KAZN: variants seen among roughly 807,000 people sequenced by gnomAD.
The protein encoded by KAZN is kazrin, periplakin interacting protein.
KAZN carries 40 observed loss-of-function variants against 87.4 expected under a neutral mutation model. The observed-to-expected ratio is 0.46, with a 90% CI of 0.36 to 0.60. The LOEUF (loss-of-function observed/expected upper bound fraction) is 0.60. KAZN is among the 20% of genes least tolerant of loss of function. The pLI, the probability that KAZN is intolerant of heterozygous loss-of-function variation, is 0.00. For missense variants in KAZN, 898 were observed against 1,073.9 expected, an observed-to-expected ratio of 0.84 and a Z score of 2.29; for synonymous variants, 466 against 458.3, an observed-to-expected ratio of 1.02 and a Z score of -0.22.
intron 2 of KAZN, among the ~76,000 whole-genome samples, chr1:14,228,957 T>G (rs1473610216): frequency 6.6e-6 from 1 of 152,214 alleles, no homozygotes; most frequent in Non-Finnish European, 1.5e-5. Context: ...GTTATCCACA[T>G]GGCTCACACA....
intron 1 of KAZN, among the ~76,000 whole-genome samples, chr1:13,951,748 T>C (rs1035739806): frequency 2.0e-5 from 3 of 152,142 alleles, no homozygotes; most frequent in Non-Finnish European, 2.9e-5. Flanking sequence ...ATGATGATCA[T>C]GCTCTTTGTG....
intron 1 of KAZN, among the ~76,000 whole-genome samples, chr1:14,135,485 AG>A (rs1645088646): frequency 6.6e-6 from 1 of 152,252 alleles, no homozygotes; most frequent in East Asian, 1.9e-4. Flanking sequence ...TTATGAAAAC[AG>A]CTAAATTTAG....
chr1:14,882,507 G>C (rs1291564900), intron 1 of KAZN, among the ~76,000 whole-genome samples: 1 of 152,128 alleles, frequency 6.6e-6, no homozygotes, highest in Non-Finnish European at 1.5e-5. Context: ...CCCTGCTCGA[G>C]GTCAGGCATA....
chr1:13,949,867 G>A (rs1641281369), intron 1 of KAZN, among the ~76,000 whole-genome samples: 1 of 152,228 alleles, frequency 6.6e-6, no homozygotes, highest in Admixed American at 6.5e-5. Flanking sequence ...AAACACAGCC[G>A]AGACACCATC....
chr1:14,647,306 G>A (rs1214524325), intron 1 of KAZN, among the ~76,000 whole-genome samples: 1 of 152,078 alleles, frequency 6.6e-6, no homozygotes, highest in Admixed American at 6.6e-5. Flanking sequence ...CTTCCATCAC[G>A]CTAGACCACC....
rs574095810 is a variant in KAZN at position 14,168,074 on chromosome 1, G to A, written c.92-12361G>A. Among the ~76,000 whole-genome samples, 15 of 152,318 alleles carry A rather than the reference G, an allele frequency of 9.8e-5. No homozygotes were observed. The South Asian group carries it at 2.3e-3, about 23-fold the overall frequency. Reference sequence around the variant, plus strand: ...GTAAGGTTGACATGTCCTTGGCGCCGCTTCCTCTTCCTTGAGCCAAAGCCC... The same window carrying A: ...GTAAGGTTGACATGTCCTTGGCGCCACTTCCTCTTCCTTGAGCCAAAGCCC... On this transcript the variant is annotated intron_variant, in intron 1 of 16. Coordinates refer to the KAZN transcript ENST00000636203.
chr1:13,971,425 G>T (rs7543394), intron 1 of KAZN, among the ~76,000 whole-genome samples: 79,054 of 151,860 alleles, frequency 0.52, 21,119 homozygotes, highest in East Asian at 0.83. Context: ...CAATAATTGG[G>T]GTCACTAATA....
At chr1:14,774,045 G>C (rs1645100453) in intron 1 of KAZN, among the ~76,000 whole-genome samples, 1 of 152,204 alleles carries the variant, frequency 6.6e-6, no homozygotes, top group Non-Finnish European at 1.5e-5. Flanking sequence ...AGTCATCCAA[G>C]GATCCAGGAG....
At chr1:14,786,777 C>G (rs1042321572) in intron 1 of KAZN, among the ~76,000 whole-genome samples, 8 of 152,192 alleles carry the variant, frequency 5.3e-5, no homozygotes, top group African/African-American at 1.9e-4. Flanking sequence ...CCCCTCAGCT[C>G]CTGCAAGACA....
chr1:14,834,100 A>C (rs1326288990), intron 1 of KAZN, among the ~76,000 whole-genome samples: 2 of 151,816 alleles, frequency 1.3e-5, no homozygotes, highest in Middle Eastern at 3.4e-3. Flanking sequence ...TAGTGGTGTG[A>C]TCTCAGCTCA....
chr1:14,342,718 A>G (rs1166623928), intron 2 of KAZN, among the ~76,000 whole-genome samples: 1 of 152,186 alleles, frequency 6.6e-6, no homozygotes, highest in Non-Finnish European at 1.5e-5. Flanking sequence ...ATCCCTTAAG[A>G]GATGATGAGA....
chr1:14,174,153 A>G (rs1263660421), intron 1 of KAZN, among the ~76,000 whole-genome samples: 1 of 152,172 alleles, frequency 6.6e-6, no homozygotes, highest in African/African-American at 2.4e-5. Flanking sequence ...AATGGGTGGT[A>G]TAGGGAGGTC....
chr1:14,287,559 A>T (rs1264025591), intron 2 of KAZN, among the ~76,000 whole-genome samples: 1 of 152,218 alleles, frequency 6.6e-6, no homozygotes, highest in African/African-American at 2.4e-5. Flanking sequence ...GAAGTTGCTT[A>T]TCAGCTTAAG....
intron 2 of KAZN, among the ~76,000 whole-genome samples, chr1:14,534,352 G>C (rs1672366017): frequency 6.6e-6 from 1 of 152,164 alleles, no homozygotes; most frequent in Admixed American, 6.5e-5. Flanking sequence ...ATCCATTAAA[G>C]CTGTAGCACT....
At chr1:14,752,704 A>G (rs1644446056) in intron 1 of KAZN, among the ~76,000 whole-genome samples, 2 of 152,244 alleles carry the variant, frequency 1.3e-5, no homozygotes, top group Middle Eastern at 3.4e-3. Context: ...TCTTAATACT[A>G]TCACATTGGC....
chr1:15,080,199 C>T (rs904427814), intron 8 of KAZN, among the ~76,000 whole-genome samples: 4 of 152,178 alleles, frequency 2.6e-5, no homozygotes, highest in African/African-American at 7.2e-5. Context: ...CTTTGCAAGA[C>T]GGTGGCACCA....
At chr1:14,877,260 A>G (rs375823699) in intron 1 of KAZN, among the ~76,000 whole-genome samples, 14 of 152,326 alleles carry the variant, frequency 9.2e-5, no homozygotes, top group African/African-American at 2.9e-4. Flanking sequence ...ACCATCCTCC[A>G]TATGGCTGGG....
intron 2 of KAZN, among the ~76,000 whole-genome samples, chr1:14,326,490 A>G (rs566400189): frequency 6.6e-6 from 1 of 152,286 alleles, no homozygotes; most frequent in Non-Finnish European, 1.5e-5. Flanking sequence ...TCTCCATTCT[A>G]ACAACACAGT....
At chr1:14,335,113 C>G (rs941268806) in intron 2 of KAZN, among the ~76,000 whole-genome samples, 7 of 149,990 alleles carry the variant, frequency 4.7e-5, no homozygotes, top group South Asian at 2.1e-4. Flanking sequence ...GGTGCCCCCC[C>G]CCCACCACCC....
Sources: gnomAD v4.1 joint callset for allele counts (sites outside exome capture counted in the v4.1 genomes callset) on GRCh38, gnomAD v4.1.1 for gene constraint, MANE v1.5 for transcripts, NCBI Gene and HGNC (gene_info 2026-07-23, HGNC 2026-07-21) for gene names.